EPS15: variants seen among roughly 807,000 people sequenced by gnomAD.
The protein encoded by EPS15 is epidermal growth factor receptor pathway substrate 15.
EPS15 carries 72 observed loss-of-function variants against 113.8 expected under a neutral mutation model. The ratio of observed to expected loss-of-function variants is 0.63; its 90% CI spans 0.52 to 0.77. EPS15 has a LOEUF of 0.77. EPS15 is among the 30% of genes least tolerant of loss of function. The pLI is 0.00. For missense variants in EPS15, 1,048 were observed against 1,045.8 expected (o/e 1.00, Z -0.03); for synonymous variants, 344 against 363.4 (o/e 0.95, Z 0.61).
At chr1:51,363,402 A>G (rs192474765) in intron 23 of EPS15, among the ~76,000 whole-genome samples, 83 of 152,220 alleles carry the variant, frequency 5.5e-4, no homozygotes, top group African/African-American at 1.9e-3. Context: ...TGAATTCTGG[A>G]TACTAAAGAG....
intron 12 of EPS15, among the ~76,000 whole-genome samples, chr1:51,434,837 A>G (rs1417169971): frequency 2.0e-5 from 3 of 151,908 alleles, no homozygotes; most frequent in African/African-American, 7.3e-5. Context: ...ATGCCCAGCT[A>G]ATTTTTGTAT....
chr1:51,415,161 CATAA>C (rs1357692576), intron 13 of EPS15, among the ~76,000 whole-genome samples: 2 of 152,082 alleles, frequency 1.3e-5, no homozygotes, highest in Non-Finnish European at 2.9e-5. Context: ...AACTATTTTT[CATAA>C]ATAATATTTT....
intron 4 of EPS15, 131 bp downstream of exon 4, chr1:51,471,559 A>G: frequency 1.4e-6 from 1 of 690,046 alleles, no homozygotes; most frequent in South Asian, 1.7e-5. Context: ...ACTTTGTTAC[A>G]CACTTGCCCT....
At chr1:51,364,145 C>T (rs1335537475) in intron 22 of EPS15, 117 bp from the exon 23 acceptor site, 2 of 820,194 alleles carry the variant, frequency 2.4e-6, no homozygotes, top group African/African-American at 1.8e-5. Context: ...ATTCTGAGAA[C>T]ACTGAAATTT....
chr1:51,403,435 T>C lies in EPS15; in HGVS notation c.1775A>G (p.Asn592Ser), dbSNP rs754812962. ...ATTTTTTACCTCTTTTGAATGTCTA[T>C]TATTGTCGAGTTCAGAACAAACTTT... ...TEKVCSELDN[N>S]RHSKEEDPFN... Residue 592 changes from asparagine (N) to serine (S), a missense_variant, in exon 17 of 25, where the codon AAT becomes AGT. Coordinates refer to ENST00000371733, the MANE Select transcript of EPS15 (RefSeq NM_001981.3). 1.2e-5 allele frequency: 19 copies of C among 1,596,184 alleles called. No homozygotes were observed. The highest frequency in any genetic ancestry group is 8.1e-5 in the African/African-American group (6 of 74,504).
At chr1:51,383,148 A>C (rs1488173268) in intron 21 of EPS15, among the ~76,000 whole-genome samples, 21 of 152,246 alleles carry the variant, frequency 1.4e-4, no homozygotes, top group Admixed American at 1.4e-3. Flanking sequence ...ATTTCAATGG[A>C]TGCAAAAAAA....
chr1:51,365,906 G>T, intron 22 of EPS15, 47 bp downstream of exon 22: 3 of 1,305,810 alleles, frequency 2.3e-6, no homozygotes, highest in Non-Finnish European at 3.2e-6. Flanking sequence ...TGTTCTTTTG[G>T]TGGAAACACA....
intron 12 of EPS15, among the ~76,000 whole-genome samples, chr1:51,426,817 G>GTCTCTCTCTCTCTCTCTCTC (rs35528783): frequency 5.5e-5 from 8 of 145,736 alleles, no homozygotes; most frequent in African/African-American, 2.1e-4. Flanking sequence ...AAATAAATCT[G>GTCTCTCTCTCTCTCTCTCTC]TCTCTCTCTC....
At chr1:51,457,219 G>A (rs1025543339) in intron 8 of EPS15, among the ~76,000 whole-genome samples, 41 of 152,050 alleles carry the variant, frequency 2.7e-4, no homozygotes, top group African/African-American at 8.7e-4. Flanking sequence ...CCCAGGAGGC[G>A]GAGCTTGCAG....
At chr1:51,415,791 C>T (rs1416873759) in intron 13 of EPS15, among the ~76,000 whole-genome samples, 15 of 78,844 alleles carry the variant, frequency 1.9e-4, no homozygotes, top group African/African-American at 6.6e-4. Flanking sequence ...AGCAAAACTC[C>T]GTCTCAAAAA....
intron 10 of EPS15, among the ~76,000 whole-genome samples, chr1:51,446,238 G>A (rs998813650): frequency 2.6e-5 from 4 of 152,132 alleles, no homozygotes; most frequent in Non-Finnish European, 5.9e-5. Context: ...AGACACTAGG[G>A]TTTGCCTTTT....
At chr1:51,428,461 A>C (rs1455762928) in intron 12 of EPS15, among the ~76,000 whole-genome samples, 1 of 152,014 alleles carries the variant, frequency 6.6e-6, no homozygotes, top group Non-Finnish European at 1.5e-5. Context: ...ACAATGTATA[A>C]AGATATAGTT....
chr1:51,418,775 T>C (rs1650481989), intron 13 of EPS15, among the ~76,000 whole-genome samples: 2 of 152,212 alleles, frequency 1.3e-5, no homozygotes, highest in African/African-American at 4.8e-5. Flanking sequence ...TCTCATTTTA[T>C]TCTTACATCA....
In EPS15 at chr1:51,402,448, A is replaced by G. The variant is rs1314744444; in HGVS notation, c.1869T>C (p.Asp623=). 7 of 1,574,436 alleles carry G rather than the reference A, an allele frequency of 4.4e-6. No individual in the cohort carries two copies. Among genetic ancestry groups the G allele is most frequent in the Non-Finnish European group, 6.1e-6 (7 of 1,152,546 alleles). Residue 623 remains aspartate, a synonymous_variant, in exon 18 of 25, where the codon GAT becomes GAC. Coordinates refer to ENST00000371733, the MANE Select transcript of EPS15 (RefSeq NM_001981.3). ...ADTNLDFFQS[D]PFVGSDPFKD... is the part of the protein sequence containing the mutation. ...AAGAGTACTTACTGCCAACAAAAGGATCAGACTGGAAAAAATCCAAGTTTG... is the reference window on the plus strand; with the variant it reads ...AAGAGTACTTACTGCCAACAAAAGGGTCAGACTGGAAAAAATCCAAGTTTG...
rs1307729508 is a variant in EPS15, at chr1:51,446,958, A to G, written c.797+2T>C. ...AAAAAATCAATTCAAATAAAGTCTT[A>G]CCATATATGGGCTAGTAAGGTAGAA... On this transcript the variant is annotated splice_donor_variant, in intron 10 of 24. Transcript: ENST00000371733. LOFTEE classifies it high-confidence loss of function. 7 of 1,592,718 alleles carry G rather than the reference A, an allele frequency of 4.4e-6. No homozygotes were observed. Among genetic ancestry groups the G allele is most frequent in the Non-Finnish European group, 6.0e-6 (7 of 1,172,018 alleles).
intron 12 of EPS15, among the ~76,000 whole-genome samples, chr1:51,432,949 A>T (rs1304951692): frequency 1.3e-5 from 2 of 152,230 alleles, no homozygotes; most frequent in Non-Finnish European, 2.9e-5. Context: ...TCACAAACAC[A>T]TCAAGTTGGA....
intron 1 of EPS15, among the ~76,000 whole-genome samples, chr1:51,515,997 T>C (rs895783851): frequency 2.6e-5 from 4 of 152,288 alleles, no homozygotes; most frequent in Admixed American, 1.3e-4. Flanking sequence ...AAACTGACTA[T>C]TGGAAACTTT....
rs185664497 is a variant in EPS15, at chr1:51,504,768, G to A, written c.33+14431C>T. 3.3e-5 allele frequency among the ~76,000 whole-genome samples: 5 copies of A among 152,346 alleles called. No individual in the cohort carries two copies. The East Asian group carries it at 7.7e-4, about 23-fold the overall frequency. On this transcript the variant is annotated intron_variant, in intron 1 of 24. Coordinates refer to ENST00000371733, the MANE Select transcript of EPS15 (RefSeq NM_001981.3). ...GCTAATAACAATTACTGGAGAGGAT[G>A]TGGAGAAATCCTCATCCCGGTACAC... is the stretch of plus-strand genomic sequence containing the variant.
At position 51,440,269 on chromosome 1, in the gene EPS15, T is replaced by C. The variant is rs1001624070; in HGVS notation, c.1040+78A>G. The C allele has an allele frequency of 5.0e-5, 27 of 536,512 alleles. 1 individual carries two copies. Among genetic ancestry groups the C allele is most frequent in the Middle Eastern group, 4.1e-4 (1 of 2,430 alleles). 33.2% of individuals were successfully genotyped at this position (536,512 alleles called of 1,614,324 possible). On this transcript the variant is annotated intron_variant, in intron 12 of 24. Transcript: ENST00000371733. ...GTGGGGAGGAAGTTGTATACATATA[T>C]ACATGTACTGTGTGTGTGTGTGTGT... is the stretch of plus-strand genomic sequence containing the variant.
Sources: allele counts gnomAD v4.1 joint callset (sites outside exome capture counted in the v4.1 genomes callset), GRCh38; gene constraint gnomAD v4.1.1; transcripts MANE v1.5; gene names NCBI Gene and HGNC (gene_info 2026-07-23, HGNC 2026-07-21).